MRTFA: variants seen among roughly 807,000 people sequenced by gnomAD.
The protein encoded by MRTFA is myocardin related transcription factor A.
In MRTFA, 20 loss-of-function variants were observed where a neutral mutation model predicts 83.5. That is an observed-to-expected ratio of 0.24 (90% CI 0.17 to 0.35). MRTFA has a LOEUF of 0.35. MRTFA is among the 10% of genes least tolerant of loss of function. MRTFA has a pLI of 1.00. For missense variants in MRTFA, 1,200 were observed against 1,224.7 expected (o/e 0.98, Z 0.30); for synonymous variants, 659 against 541.2 (o/e 1.22, Z -3.02).
At chr22:40,623,889 G>A (rs887647782) in intron 1 of MRTFA, among the ~76,000 whole-genome samples, 2 of 152,146 alleles carry the variant, frequency 1.3e-5, no homozygotes, top group African/African-American at 2.4e-5. Flanking sequence ...GATGAGGCGA[G>A]AGGATCTCTT....
intron 2 of MRTFA, among the ~76,000 whole-genome samples, chr22:40,571,236 A>T (rs562145800): frequency 8.5e-5 from 13 of 152,080 alleles, no homozygotes; most frequent in Admixed American, 7.9e-4. Flanking sequence ...GAATGAAGTT[A>T]GACTGCCTAC....
intron 6 of MRTFA, 64 bp downstream of exon 6, chr22:40,431,341 T>C: frequency 7.0e-7 from 1 of 1,438,140 alleles, no homozygotes; most frequent in Non-Finnish European, 9.8e-7. Context: ...AAATGGGTAG[T>C]GCAGTAGTGA....
rs2052905467 is a variant in MRTFA at position 40,424,233 on chromosome 22, G to C, written c.750C>G (p.Leu250=). The C allele has an allele frequency of 6.2e-7, 1 of 1,606,294 alleles. No homozygotes were observed. Among genetic ancestry groups the C allele is most frequent in the Non-Finnish European group, 8.5e-7 (1 of 1,177,508 alleles). The stretch of plus-strand genomic sequence containing the variant: ...GGGTGGGGGATGCAGAGGTGGCACT[G>C]AGCAGTGGTTCGCTGACTCGGGCCT... The change falls in exon 8 of 15, where the codon CTC becomes CTG. Residue 250 remains leucine, a synonymous_variant. Transcript: ENST00000355630.
chr22:40,604,082 G>A (rs2056290483), intron 1 of MRTFA, among the ~76,000 whole-genome samples: 1 of 151,194 alleles, frequency 6.6e-6, no homozygotes, highest in Admixed American at 6.6e-5. Context: ...AGTGATTCTT[G>A]GAACCAGTGA....
intron 2 of MRTFA, among the ~76,000 whole-genome samples, chr22:40,558,738 A>G (rs2055569320): frequency 6.6e-6 from 1 of 151,926 alleles, no homozygotes; most frequent in Admixed American, 6.6e-5. Flanking sequence ...TGCTAAGCAT[A>G]AAGAGAAAAT....
At chr22:40,525,259 T>C (rs965712200) in intron 3 of MRTFA, among the ~76,000 whole-genome samples, 1 of 152,204 alleles carries the variant, frequency 6.6e-6, no homozygotes, top group Non-Finnish European at 1.5e-5. Context: ...GTGTATAGCC[T>C]CAAAGCCACT....
chr22:40,539,012 T>TCC, intron 3 of MRTFA, among the ~76,000 whole-genome samples: 1 of 134,098 alleles, frequency 7.5e-6, no homozygotes, highest in African/African-American at 2.7e-5. Flanking sequence ...TTTTTTTTTT[T>TCC]GAGACAAAGT....
rs560502888 is a variant in MRTFA at position 40,583,812 on chromosome 22, T to C, written c.-22+10862A>G. Among the ~76,000 whole-genome samples, 8 of 152,290 alleles carry C rather than the reference T, an allele frequency of 5.3e-5. No homozygotes were observed. The East Asian group carries it at 1.5e-3, about 29-fold the overall frequency. ...AACCTTGCCCCCCTGCCTCAGTCCA[T>C]GGAAAAACTTTCTTCCACGAAACTG... On this transcript the variant is annotated intron_variant, in intron 2 of 14. Coordinates refer to ENST00000355630, the MANE Select transcript of MRTFA (RefSeq NM_020831.6).
chr22:40,416,742 G>A lies in MRTFA; in HGVS notation c.2578+244C>T, dbSNP rs936241250. Among the ~76,000 whole-genome samples, 1 of 152,234 alleles carries A rather than the reference G, an allele frequency of 6.6e-6. No individual in the cohort carries two copies. The highest frequency in any genetic ancestry group is 1.9e-4 in the East Asian group (1 of 5,188). On this transcript the variant is annotated intron_variant, in intron 14 of 14. Coordinates refer to ENST00000355630, the MANE Select transcript of MRTFA (RefSeq NM_020831.6). The surrounding 1 kb of genome is among the most constrained non-coding windows in gnomAD (Gnocchi z 4.2). ...CACTGTGAGCTCCACAAGGGCAAAT[G>A]TCTCTTCTGTTCGTTGGGAGGCGAG...
In MRTFA at chr22:40,597,488, A is replaced by G. The variant is rs535037589; in HGVS notation, c.-83-2753T>C. Among the ~76,000 whole-genome samples the G allele has an allele frequency of 3.3e-5, 5 of 152,340 alleles. No homozygotes were observed. In the South Asian group the frequency reaches 1.0e-3, roughly 32 times the overall value. ...TATGGTTGGTGATCTTTCTTACTAA[A>G]ACGGTGCCACAGCTTTGTATGTAGA... On this transcript the variant is annotated intron_variant, in intron 1 of 14. Transcript: ENST00000355630.
At chr22:40,630,153 A>G (rs1231206301) in intron 1 of MRTFA, among the ~76,000 whole-genome samples, 1 of 151,888 alleles carries the variant, frequency 6.6e-6, no homozygotes, top group Non-Finnish European at 1.5e-5. Flanking sequence ...TGCCTCTACT[A>G]AAAAATACAA....
chr22:40,428,914 C>T (rs1398852756), intron 7 of MRTFA, among the ~76,000 whole-genome samples: 4 of 152,176 alleles, frequency 2.6e-5, no homozygotes, highest in African/African-American at 9.7e-5. Context: ...CTCTCCCACA[C>T]GCTTTCATGA....
chr22:40,571,653 C>G (rs960782556), intron 2 of MRTFA, among the ~76,000 whole-genome samples: 5 of 151,716 alleles, frequency 3.3e-5, no homozygotes, highest in African/African-American at 1.2e-4. Flanking sequence ...AATATAAAAA[C>G]AGACAATATA....
chr22:40,492,279 A>C (rs1012791275), intron 3 of MRTFA, among the ~76,000 whole-genome samples: 3 of 152,218 alleles, frequency 2.0e-5, no homozygotes, highest in African/African-American at 7.2e-5. Flanking sequence ...GGGTTGCAAG[A>C]ACAGTTAGAT....
rs763209757 is a variant in MRTFA, at chr22:40,423,604, G to A, written c.859C>T (p.Leu287=). 4.4e-6 allele frequency: 7 copies of A among 1,599,242 alleles called. No homozygotes were observed. The highest frequency in any genetic ancestry group is 6.0e-6 in the Non-Finnish European group (7 of 1,171,984). The stretch of plus-strand genomic sequence containing the variant: ...CCATTGGTGAGGCTGGGAGGCAGCA[G>A]AGGTGGGGGAGGCAGAGGAGGCTGC... The change falls in exon 9 of 15, where the codon CTG becomes TTG. Residue 287 remains leucine (L), a synonymous_variant. Coordinates refer to ENST00000355630, the MANE Select transcript of MRTFA (RefSeq NM_020831.6).
chr22:40,417,569 C>CGGGGGGG (rs3044519), intron 12 of MRTFA, 76 bp from the exon 13 acceptor site: 64 of 281,202 alleles, frequency 2.3e-4, no homozygotes, highest in African/African-American at 1.8e-3. Context: ...GGGCGGGGGG[C>CGGGGGGG]GGGGATAGGG....
chr22:40,515,028 C>A (rs1188490715), intron 3 of MRTFA, among the ~76,000 whole-genome samples: 3 of 151,770 alleles, frequency 2.0e-5, no homozygotes, highest in Non-Finnish European at 4.4e-5. Flanking sequence ...CCCGCCTCAG[C>A]CTCCCAAGTA....
At chr22:40,468,433 G>C (rs1406058178) in intron 3 of MRTFA, among the ~76,000 whole-genome samples, 1 of 151,974 alleles carries the variant, frequency 6.6e-6, no homozygotes, top group Non-Finnish European at 1.5e-5. Context: ...GGTTAGTATG[G>C]GAAGAACAGG....
Position 40,418,472 on chromosome 22 carries a change from G to A in MRTFA, c.2266C>T (p.Pro756Ser), listed in dbSNP as rs138910464. ...CCTGTGGAGTCGGTGATGAGGGTGG[G>A]AGGTGCAACCCCCTTGATGAGGCTG... Residue 756 changes from proline to serine, a missense_variant, in exon 12 of 15, where the codon CCC becomes TCC. Physicochemically the swap from Pro to Ser is moderately conservative, Grantham distance 74 (BLOSUM62 -1). This residue lies in a region of MRTFA where 1,107 missense variants were observed against 1,041.8 expected (regional missense o/e 1.06). Coordinates refer to ENST00000355630, the MANE Select transcript of MRTFA (RefSeq NM_020831.6). 5.2e-5 allele frequency: 84 copies of A among 1,613,562 alleles called. No individual in the cohort carries two copies. The highest frequency in any genetic ancestry group is 7.0e-5 in the Non-Finnish European group (82 of 1,179,770).
Sources: gnomAD v4.1 joint callset for allele counts (sites outside exome capture counted in the v4.1 genomes callset) on GRCh38, gnomAD v4.1.1 for gene constraint, gnomAD v4.1.1 regional missense constraint, Gnocchi (gnomAD v3.1) non-coding constraint, MANE v1.5 for transcripts, NCBI Gene and HGNC (gene_info 2026-07-23, HGNC 2026-07-21) for gene names.